CYP7B1: variants seen among roughly 807,000 people sequenced by gnomAD.
CYP7B1 encodes cytochrome P450 7B1.
Under a neutral mutation model 42.7 loss-of-function variants are expected in CYP7B1, and 29 were observed. The observed-to-expected ratio is 0.68, with a 90% CI of 0.51 to 0.93. CYP7B1 has a LOEUF of 0.93. CYP7B1 is among the 40% of genes least tolerant of loss of function. The pLI, the probability that CYP7B1 is intolerant of heterozygous loss-of-function variation, is 0.00. For synonymous variants in CYP7B1, 235 were observed against 218.2 expected (o/e 1.08, Z -0.68); for missense variants, 655 against 600.5 (o/e 1.09, Z -0.95).
intron 1 of CYP7B1, among the ~76,000 whole-genome samples, chr8:64,781,154 A>C (rs548789644): frequency 4.6e-5 from 7 of 152,138 alleles, no homozygotes; most frequent in Non-Finnish European, 8.8e-5. Context: ...AAAGGCACTG[A>C]GTATTTATTA....
intron 1 of CYP7B1, among the ~76,000 whole-genome samples, chr8:64,718,748 G>T (rs919363394): frequency 2.0e-5 from 3 of 152,186 alleles, no homozygotes; most frequent in African/African-American, 7.2e-5. Flanking sequence ...AGAATGGCAG[G>T]TGCAAGATAT....
At chr8:64,716,013 G>A (rs1463576557) in intron 1 of CYP7B1, among the ~76,000 whole-genome samples, 1 of 152,106 alleles carries the variant, frequency 6.6e-6, no homozygotes, top group Non-Finnish European at 1.5e-5. Context: ...GTTTATGCCT[G>A]TTTTTTATCT....
rs757938954 is a variant in CYP7B1 at position 64,615,150 on chromosome 8, G to A, written c.933C>T (p.His311=). 3 of 1,613,576 alleles carry A rather than the reference G, an allele frequency of 1.9e-6. No homozygotes were observed. Among genetic ancestry groups the A allele is most frequent in the Non-Finnish European group, 2.5e-6 (3 of 1,179,818 alleles). Residue 311 remains histidine (H), a synonymous_variant, in exon 4 of 6, where the codon CAC becomes CAT. Transcript: ENST00000310193. ...CACGCACTGCTGCCATAGCTTCTGG[G>A]TGCCGCAGAAGATAATACATTGCCC... ...MFWAMYYLLR[H]PEAMAAVRDE...
At chr8:64,636,904 G>A (rs1805782264) in intron 1 of CYP7B1, among the ~76,000 whole-genome samples, 1 of 152,194 alleles carries the variant, frequency 6.6e-6, no homozygotes, top group South Asian at 2.1e-4. Context: ...TAATTTCTGA[G>A]ATGATCAGTT....
At chr8:64,719,361 G>A (rs1409045847) in intron 1 of CYP7B1, among the ~76,000 whole-genome samples, 13 of 152,192 alleles carry the variant, frequency 8.5e-5, no homozygotes, top group Non-Finnish European at 1.2e-4. Flanking sequence ...TGAGTGCAGC[G>A]ATTCATGTAT....
intron 1 of CYP7B1, among the ~76,000 whole-genome samples, chr8:64,730,877 G>A (rs1193169130): frequency 6.6e-6 from 1 of 152,066 alleles, no homozygotes; most frequent in African/African-American, 2.4e-5. Context: ...GATCTTGTGG[G>A]AGGTGATTAG....
chr8:64,675,740 G>A (rs1468935285), intron 1 of CYP7B1, among the ~76,000 whole-genome samples: 5 of 152,214 alleles, frequency 3.3e-5, no homozygotes, highest in South Asian at 2.1e-4. Context: ...AACTGGGAGC[G>A]TGGTTGTTTC....
intron 1 of CYP7B1, among the ~76,000 whole-genome samples, chr8:64,789,710 A>G (rs1804587683): frequency 6.6e-6 from 1 of 152,232 alleles, no homozygotes; most frequent in South Asian, 2.1e-4. Context: ...AGCACCCACT[A>G]CAAAGAATCA....
At chr8:64,636,754 C>T (rs1471490332) in intron 1 of CYP7B1, among the ~76,000 whole-genome samples, 1 of 152,166 alleles carries the variant, frequency 6.6e-6, no homozygotes, top group Admixed American at 6.6e-5. Context: ...ACAGAAGTGG[C>T]TCTGAAGTGC....
At chr8:64,768,812 T>A (rs7843404) in intron 1 of CYP7B1, among the ~76,000 whole-genome samples, 151,556 of 152,324 alleles carry the variant, frequency 0.99, 75,396 homozygotes, top group Middle Eastern at 1. Flanking sequence ...CCATTAAAAA[T>A]ACTAAGCCAA....
intron 1 of CYP7B1, among the ~76,000 whole-genome samples, chr8:64,710,920 T>C (rs1486724861): frequency 6.6e-6 from 1 of 152,068 alleles, no homozygotes; most frequent in Admixed American, 6.6e-5. Context: ...GATACCTACT[T>C]TGTAGTAGTT....
intron 1 of CYP7B1, among the ~76,000 whole-genome samples, chr8:64,783,331 AT>A (rs1193539891): frequency 6.6e-6 from 1 of 152,194 alleles, no homozygotes; most frequent in Non-Finnish European, 1.5e-5. Flanking sequence ...TGATACAGTG[AT>A]GTCAACAAAT....
At chr8:64,686,069 CA>C (rs1806633627) in intron 1 of CYP7B1, among the ~76,000 whole-genome samples, 1 of 120,590 alleles carries the variant, frequency 8.3e-6, no homozygotes, top group African/African-American at 3.2e-5. Flanking sequence ...TCAGCCCCCC[CA>C]CCCGGCCAGC....
At chr8:64,629,201 C>A (rs528133113) in intron 1 of CYP7B1, among the ~76,000 whole-genome samples, 1 of 129,896 alleles carries the variant, frequency 7.7e-6, no homozygotes, top group Non-Finnish European at 1.5e-5. Context: ...CACTCCAGCT[C>A]GGGTGACAGT....
chr8:64,793,547 T>G (rs1238870382), intron 1 of CYP7B1, among the ~76,000 whole-genome samples: 4 of 152,146 alleles, frequency 2.6e-5, no homozygotes, highest in African/African-American at 9.6e-5. Context: ...TTTAAAAATA[T>G]ATCTCATTAT....
At chr8:64,659,146 T>C (rs899727796) in intron 1 of CYP7B1, among the ~76,000 whole-genome samples, 1 of 152,194 alleles carries the variant, frequency 6.6e-6, no homozygotes, top group Admixed American at 6.5e-5. Flanking sequence ...TAACTGAAAT[T>C]TGAACTGTGT....
At chr8:64,685,093 T>C (rs1424685129) in intron 1 of CYP7B1, among the ~76,000 whole-genome samples, 3 of 152,182 alleles carry the variant, frequency 2.0e-5, no homozygotes, top group Non-Finnish European at 4.4e-5. Context: ...AGAGAAAAAT[T>C]ACATGTCCAT....
At chr8:64,646,956 C>T (rs947077563) in intron 1 of CYP7B1, among the ~76,000 whole-genome samples, 4 of 152,192 alleles carry the variant, frequency 2.6e-5, no homozygotes, top group Admixed American at 6.5e-5. Context: ...TGCAAGAGGC[C>T]TAGATTTCAG....
At chr8:64,771,047 CTTTTTTTTTTTTTTTT>C (rs757503820) in intron 1 of CYP7B1, among the ~76,000 whole-genome samples, 36 of 42,506 alleles carry the variant, frequency 8.5e-4, no homozygotes, top group Non-Finnish European at 1.2e-3. Context: ...ATATCAGCAT[CTTTTTTTTTTTTTTTT>C]TTTTTTTTTT....
Sources: allele counts gnomAD v4.1 joint callset (sites outside exome capture counted in the v4.1 genomes callset), GRCh38; gene constraint gnomAD v4.1.1; transcripts MANE v1.5; gene names NCBI Gene and HGNC (gene_info 2026-07-23, HGNC 2026-07-21).